The following FUT8 variants were observed in gnomAD, a reference collection of about 807,000 sequenced individuals.
FUT8 encodes fucosyltransferase 8.
FUT8 carries 29 observed loss-of-function variants against 71.3 expected under a neutral mutation model. The ratio of observed to expected loss-of-function variants is 0.41; its 90% CI spans 0.30 to 0.55. FUT8 has a LOEUF of 0.55. Ranked by LOEUF, FUT8 falls within the 20% of genes least tolerant of loss-of-function variation. The pLI is 0.34. For synonymous variants in FUT8, 254 were observed against 239.3 expected (o/e 1.06, Z -0.57); for missense variants, 544 against 702.1 (o/e 0.77, Z 2.55).
At chr14:65,705,381 C>T (rs1894505717) in intron 7 of FUT8, among the ~76,000 whole-genome samples, 1 of 152,140 alleles carries the variant, frequency 6.6e-6, no homozygotes, top group Non-Finnish European at 1.5e-5. Context: ...TTGTTGAAAT[C>T]CCAAAGAATA....
At chr14:65,404,531 A>G in the FUT8 span, among the ~76,000 whole-genome samples, 3 of 151,372 alleles carry the variant, frequency 2.0e-5, no homozygotes, top group Non-Finnish European at 4.4e-5. Context: ...GCTGGAGTGC[A>G]GTGGCGCAAT....
chr14:65,615,960 A>C lies in FUT8; in HGVS notation c.204-18A>C. 6.5e-7 allele frequency: 1 copy of C among 1,544,400 alleles called. No individual in the cohort carries two copies. Among genetic ancestry groups the C allele is most frequent in the Non-Finnish European group, 8.9e-7 (1 of 1,128,052 alleles). ...AGTTTGAAAGCTAAATGTTTACATT[A>C]TCTTCCCTAAACTACAGGATACCAG... On this transcript the variant is annotated intron_variant, in intron 3 of 10. Coordinates refer to ENST00000673929, the MANE Select transcript of FUT8 (RefSeq NM_001371533.1).
chr14:65,447,517 A>G (rs2065761231), intron 1 of FUT8, among the ~76,000 whole-genome samples: 1 of 152,230 alleles, frequency 6.6e-6, no homozygotes, highest in South Asian at 2.1e-4. Flanking sequence ...AAATTAAAAG[A>G]TTAAAACAAT....
At chr14:65,728,447 G>A (rs980970430) in intron 9 of FUT8, among the ~76,000 whole-genome samples, 18 of 152,232 alleles carry the variant, frequency 1.2e-4, no homozygotes, top group Middle Eastern at 6.8e-3. Context: ...TAAAACCATC[G>A]AATCTCATGA....
At chr14:65,721,282 C>A (rs1438435901) in intron 7 of FUT8, among the ~76,000 whole-genome samples, 1 of 150,466 alleles carries the variant, frequency 6.6e-6, no homozygotes, top group Admixed American at 6.6e-5. Flanking sequence ...TAATTTTTTT[C>A]TTTAAAAGAT....
At chr14:65,475,732 A>G (rs2066228259) in intron 2 of FUT8, among the ~76,000 whole-genome samples, 1 of 151,816 alleles carries the variant, frequency 6.6e-6, no homozygotes, top group Non-Finnish European at 1.5e-5. Context: ...CAGGCTCTAT[A>G]TGGTAGAGCC....
At chr14:65,626,853 G>A (rs1019983934) in intron 5 of FUT8, among the ~76,000 whole-genome samples, 19 of 152,110 alleles carry the variant, frequency 1.2e-4, no homozygotes, top group African/African-American at 4.6e-4. Context: ...ATTTTCATAA[G>A]CAAATAATCC....
intron 3 of FUT8, among the ~76,000 whole-genome samples, chr14:65,584,359 T>G (rs2140122136): frequency 6.6e-6 from 1 of 152,280 alleles, no homozygotes; most frequent in South Asian, 2.1e-4. Context: ...TTTGTATTTT[T>G]AGTAGAGACG....
At chr14:65,523,944 G>C (rs1594734780) in intron 2 of FUT8, among the ~76,000 whole-genome samples, 1 of 152,090 alleles carries the variant, frequency 6.6e-6, no homozygotes, top group African/African-American at 2.4e-5. Context: ...CTCTGTTTTG[G>C]TACCAGTACC....
intron 6 of FUT8, among the ~76,000 whole-genome samples, chr14:65,649,449 AG>A (rs1323625578): frequency 1.3e-5 from 2 of 152,212 alleles, no homozygotes; most frequent in Non-Finnish European, 2.9e-5. Flanking sequence ...GAAATAGAAA[AG>A]TTGCTATTGT....
intron 2 of FUT8, among the ~76,000 whole-genome samples, chr14:65,560,135 G>A (rs1278066809): frequency 2.0e-5 from 3 of 151,996 alleles, no homozygotes; most frequent in African/African-American, 7.2e-5. Flanking sequence ...AAAAATAGTG[G>A]CCCTGTGCTC....
At chr14:65,542,210 A>G (rs1884716316) in intron 2 of FUT8, among the ~76,000 whole-genome samples, 1 of 152,194 alleles carries the variant, frequency 6.6e-6, no homozygotes, top group Admixed American at 6.5e-5. Flanking sequence ...AGGAATTATG[A>G]CGGTCATTTT....
rs1888434197 is a variant in FUT8, at chr14:65,603,843, A to G, written c.204-12135A>G. On this transcript the variant is annotated intron_variant, in intron 3 of 10. Coordinates refer to ENST00000673929, the MANE Select transcript of FUT8 (RefSeq NM_001371533.1). The surrounding 1 kb of genome is among the most constrained non-coding windows in gnomAD (Gnocchi z 4.5). ...TTGCAGAATGGATTCGAATTCACAA[A>G]CCAAGCATCTGCTGCCTTCACCTAA... is the stretch of plus-strand genomic sequence containing the variant. 6.6e-6 allele frequency among the ~76,000 whole-genome samples: 1 copy of G among 151,824 alleles called. No homozygotes were observed. The highest frequency in any genetic ancestry group is 1.5e-5 in the Non-Finnish European group (1 of 67,872).
chr14:65,609,520 T>A (rs1888766695), intron 3 of FUT8, among the ~76,000 whole-genome samples: 1 of 151,906 alleles, frequency 6.6e-6, no homozygotes, highest in Non-Finnish European at 1.5e-5. Flanking sequence ...TGCTAAATTA[T>A]CTTTGTGACT....
chr14:65,611,826 A>G lies in FUT8; in HGVS notation c.204-4152A>G, dbSNP rs138436721. 3.5e-3 allele frequency among the ~76,000 whole-genome samples: 530 copies of G among 151,922 alleles called. 2 individuals carry two copies. The highest frequency in any genetic ancestry group is 0.012 in the African/African-American group (503 of 41,444). On this transcript the variant is annotated intron_variant, in intron 3 of 10. Transcript: ENST00000673929. Reference sequence around the variant, plus strand: ...CAGACGTCTGCCACCATGCCTGGCTAATTTTTGTATTTTTCATAGAGACAG... The same window carrying G: ...CAGACGTCTGCCACCATGCCTGGCTGATTTTTGTATTTTTCATAGAGACAG...
intron 7 of FUT8, among the ~76,000 whole-genome samples, chr14:65,696,889 T>G (rs527694183): frequency 6.6e-6 from 1 of 152,194 alleles, no homozygotes; most frequent in South Asian, 2.1e-4. Flanking sequence ...TTTTTAGCAT[T>G]TAAAAAAAAT....
intron 2 of FUT8, among the ~76,000 whole-genome samples, chr14:65,482,710 A>G (rs10136600): frequency 0.01 from 1,591 of 152,192 alleles, 30 homozygotes; most frequent in African/African-American, 0.037. Flanking sequence ...CTGGTTACCA[A>G]TCTGTTGCCT....
intron 6 of FUT8, among the ~76,000 whole-genome samples, chr14:65,632,389 T>C (rs1016517265): frequency 6.6e-6 from 1 of 152,230 alleles, no homozygotes; most frequent in African/African-American, 2.4e-5. Context: ...AAACATCTAC[T>C]GTTTTTTGAT....
intron 2 of FUT8, among the ~76,000 whole-genome samples, chr14:65,507,791 G>A (rs1476876316): frequency 1.3e-5 from 2 of 152,200 alleles, no homozygotes; most frequent in African/African-American, 2.4e-5. Context: ...TTGATACACT[G>A]ATTTCCTTTT....
Sources: gnomAD v4.1 joint callset for allele counts (sites outside exome capture counted in the v4.1 genomes callset) on GRCh38, gnomAD v4.1.1 for gene constraint, Gnocchi (gnomAD v3.1) non-coding constraint, MANE v1.5 for transcripts, NCBI Gene and HGNC (gene_info 2026-07-23, HGNC 2026-07-21) for gene names.